Variants in RNF216 observed in about 807,000 individuals in gnomAD.
The protein encoded by RNF216 is E3 ubiquitin-protein ligase RNF216.
RNF216 carries 72 observed loss-of-function variants against 110.8 expected under a neutral mutation model. That is an observed-to-expected ratio of 0.65 (90% CI 0.54 to 0.79). The LOEUF (loss-of-function observed/expected upper bound fraction) is 0.79. Ranked by LOEUF, RNF216 falls within the 30% of genes least tolerant of loss-of-function variation. The pLI is 0.00. For missense variants in RNF216, 1,342 were observed against 1,141.2 expected (o/e 1.18, Z -2.54); for synonymous variants, 495 against 407.5 (o/e 1.21, Z -2.59).
intron 14 of RNF216, among the ~76,000 whole-genome samples, chr7:5,651,608 G>A (rs1788392355): frequency 6.6e-6 from 1 of 151,946 alleles, no homozygotes; most frequent in African/African-American, 2.4e-5. Context: ...TGTTATGAGA[G>A]AAGAGAAAGA....
At chr7:5,755,584 A>ATT (rs1373469186) in intron 2 of RNF216, among the ~76,000 whole-genome samples, 2 of 152,146 alleles carry the variant, frequency 1.3e-5, no homozygotes, top group African/African-American at 4.8e-5. Flanking sequence ...TTGAGTATAT[A>ATT]TTCTTCTCTT....
rs374184702 is a variant in RNF216 at position 5,739,234 on chromosome 7, A to C, written c.1121+42T>G. On this transcript the variant is annotated intron_variant, in intron 5 of 16. Coordinates refer to ENST00000389902, the MANE Select transcript of RNF216 (RefSeq NM_207111.4). ...AATTTTTTATTACATATATTTTACC[A>C]CCACCACCACCACCACAAAAAAAGC... 2.0e-5 allele frequency: 30 copies of C among 1,493,932 alleles called. No individual in the cohort carries two copies. In the African/African-American group the frequency reaches 4.1e-4, roughly 20 times the overall value. The allele number at this position is 1,493,932 out of a possible 1,614,324, so 92.5% of individuals were successfully genotyped here.
chr7:5,741,058 G>C lies in RNF216; in HGVS notation c.959C>G (p.Ser320Cys). The change falls in exon 4 of 17, where the codon TCT becomes TGT. Residue 320 changes from serine to cysteine, a missense_variant. Coordinates refer to ENST00000389902, the MANE Select transcript of RNF216 (RefSeq NM_207111.4). ...EPGPAFPMQESQEPNLENIWG... is the reference protein window; with the variant it reads ...EPGPAFPMQECQEPNLENIWG... ...AATGTTTTCCAAATTGGGCTCTTGA[G>C]ATTCTTGCATTGGAAAGGCTGGACC... 1 of 1,614,140 alleles carries C rather than the reference G, an allele frequency of 6.2e-7. No individual in the cohort carries two copies. Among genetic ancestry groups the C allele is most frequent in the Non-Finnish European group, 8.5e-7 (1 of 1,180,042 alleles).
chr7:5,712,163 G>A (rs1792743873), intron 12 of RNF216, among the ~76,000 whole-genome samples: 1 of 152,180 alleles, frequency 6.6e-6, no homozygotes. Context: ...AAGATTTGGG[G>A]GTGCCAAGAT....
chr7:5,757,214 T>A (rs560523313), intron 2 of RNF216, among the ~76,000 whole-genome samples: 1 of 152,220 alleles, frequency 6.6e-6, no homozygotes, highest in Non-Finnish European at 1.5e-5. Flanking sequence ...ATCCCCACTA[T>A]AATGGTGGAT....
At chr7:5,719,179 G>C (rs932128812) in intron 9 of RNF216, among the ~76,000 whole-genome samples, 4 of 152,116 alleles carry the variant, frequency 2.6e-5, no homozygotes, top group Non-Finnish European at 5.9e-5. Context: ...CCAGAAGTTC[G>C]AGACCAGCCT....
chr7:5,734,080 C>G (rs1794249949), intron 5 of RNF216, among the ~76,000 whole-genome samples: 2 of 152,090 alleles, frequency 1.3e-5, no homozygotes, highest in African/African-American at 4.8e-5. Flanking sequence ...CTCCAACAAA[C>G]AATTCTGCTG....
chr7:5,767,220 G>A (rs1796252239), intron 1 of RNF216, among the ~76,000 whole-genome samples: 1 of 152,192 alleles, frequency 6.6e-6, no homozygotes, highest in South Asian at 2.1e-4. Context: ...CAGCTGGCAG[G>A]ATTTCAGGGG....
intron 13 of RNF216, among the ~76,000 whole-genome samples, chr7:5,656,088 G>A (rs1396764251): frequency 6.6e-6 from 1 of 152,120 alleles, no homozygotes; most frequent in Non-Finnish European, 1.5e-5. Flanking sequence ...GGGCAACATG[G>A]TCAAACCCCA....
At chr7:5,725,850 A>G (rs1793720855) in intron 7 of RNF216, among the ~76,000 whole-genome samples, 1 of 152,002 alleles carries the variant, frequency 6.6e-6, no homozygotes, top group East Asian at 1.9e-4. Flanking sequence ...GCAAAAAAAA[A>G]AAAAAAAAAG....
intron 15 of RNF216, among the ~76,000 whole-genome samples, chr7:5,636,173 A>C (rs887739549): frequency 3.3e-5 from 5 of 152,200 alleles, no homozygotes; most frequent in Non-Finnish European, 7.3e-5. Context: ...CGTTCAGTAA[A>C]GTTCCAGGAT....
Position 5,624,166 on chromosome 7 carries a change from T to A in RNF216, c.2383-41A>T. On this transcript the variant is annotated intron_variant, in intron 15 of 16. Coordinates refer to ENST00000389902, the MANE Select transcript of RNF216 (RefSeq NM_207111.4). This position sits in a 1 kb window ranked among gnomAD's most constrained non-coding sequence, Gnocchi z 4.4. ...TGAGAAGGATGAACCTGTAGCTTCATGCAGTGCTGAGGCCCCGTGGGACAG... is the reference window on the plus strand; with the variant it reads ...TGAGAAGGATGAACCTGTAGCTTCAAGCAGTGCTGAGGCCCCGTGGGACAG... The A allele has an allele frequency of 6.3e-7, 1 of 1,575,572 alleles. No individual in the cohort carries two copies. The highest frequency in any genetic ancestry group is 1.3e-5 in the African/African-American group (1 of 74,426).
chr7:5,739,389 A>C (rs1382413622), intron 4 of RNF216, 37 bp from the exon 5 acceptor site: 1 of 1,567,322 alleles, frequency 6.4e-7, no homozygotes, highest in Admixed American at 1.9e-5. Context: ...TATTTCATTC[A>C]CTAGAATGGT....
chr7:5,762,197 A>G (rs1562471542), intron 1 of RNF216, among the ~76,000 whole-genome samples: 1 of 152,226 alleles, frequency 6.6e-6, no homozygotes, highest in African/African-American at 2.4e-5. Flanking sequence ...AGTTAATACA[A>G]AAATTTAAAA....
At chr7:5,659,234 A>G (rs1039716047) in intron 13 of RNF216, among the ~76,000 whole-genome samples, 48 of 152,226 alleles carry the variant, frequency 3.2e-4, no homozygotes, top group African/African-American at 1.1e-3. Flanking sequence ...TGTCATTTGT[A>G]TGAGACACCG....
At chr7:5,754,018 G>C (rs997397453) in intron 2 of RNF216, among the ~76,000 whole-genome samples, 1 of 151,836 alleles carries the variant, frequency 6.6e-6, no homozygotes, top group Non-Finnish European at 1.5e-5. Flanking sequence ...AATGCATTAA[G>C]TGACCTAAAA....
At chr7:5,629,194 C>CA (rs112745079) in intron 15 of RNF216, among the ~76,000 whole-genome samples, 3,516 of 82,786 alleles carry the variant, frequency 0.042, 61 homozygotes, top group African/African-American at 0.063. Context: ...GACTCTGTCT[C>CA]AAAAAAAAAA....
chr7:5,661,568 C>T (rs558323801), intron 13 of RNF216, among the ~76,000 whole-genome samples: 2 of 152,118 alleles, frequency 1.3e-5, no homozygotes, highest in African/African-American at 2.4e-5. Flanking sequence ...TTTGGGAGGC[C>T]GAGTAGGGTG....
At chr7:5,705,565 C>T (rs1023862783) in intron 13 of RNF216, among the ~76,000 whole-genome samples, 14 of 152,156 alleles carry the variant, frequency 9.2e-5, no homozygotes, top group African/African-American at 3.1e-4. Flanking sequence ...CTCACTCATG[C>T]TGCACATCCC....
Sources: gnomAD v4.1 joint callset for allele counts (sites outside exome capture counted in the v4.1 genomes callset) on GRCh38, gnomAD v4.1.1 for gene constraint, Gnocchi (gnomAD v3.1) non-coding constraint, MANE v1.5 for transcripts, NCBI Gene and HGNC (gene_info 2026-07-23, HGNC 2026-07-21) for gene names.